The following PIEZO2 variants were observed in gnomAD, a reference collection of about 807,000 sequenced individuals.
PIEZO2 encodes piezo type mechanosensitive ion channel component 2, also known as piezo-type mechanosensitive ion channel component 2.
PIEZO2 carries 172 observed loss-of-function variants against 337.3 expected under a neutral mutation model. The observed-to-expected ratio is 0.51, with a 90% confidence interval of 0.45 to 0.58. The LOEUF is 0.58. Ranked by LOEUF, PIEZO2 falls within the 20% of genes least tolerant of loss-of-function variation. The probability of loss-of-function intolerance (pLI) is 0.00; values close to 1 mark genes in which losing one functional copy is unlikely to be tolerated. For missense variants in PIEZO2, 3,028 were observed against 3,391.3 expected (o/e 0.89, Z 2.66); for synonymous variants, 1,251 against 1,228.5 (o/e 1.02, Z -0.38).
intron 16 of PIEZO2, among the ~76,000 whole-genome samples, chr18:10,785,479 G>A (rs957563398): frequency 1.3e-5 from 2 of 152,158 alleles, no homozygotes; most frequent in African/African-American, 4.8e-5. Context: ...GAAATTGGTT[G>A]TTTCACAGTT....
rs1343391964 is a variant in PIEZO2 at position 10,746,459 on chromosome 18, C to T, written c.4424+2012G>A. ...TGACTAACTCCTCTTCATCCTTCAGCCTGCACTGGGAATGGAAGGCCACCT... is the reference window on the plus strand; with the variant it reads ...TGACTAACTCCTCTTCATCCTTCAGTCTGCACTGGGAATGGAAGGCCACCT... On this transcript the variant is annotated intron_variant, in intron 30 of 55. Coordinates refer to ENST00000674853, the MANE Select transcript of PIEZO2 (RefSeq NM_001378183.1). This position sits in a 1 kb window ranked among gnomAD's most constrained non-coding sequence, Gnocchi z 4.2. 6.6e-6 allele frequency among the ~76,000 whole-genome samples: 1 copy of T among 152,198 alleles called. No homozygotes were observed.
At chr18:10,948,330 A>G (rs979626987) in intron 3 of PIEZO2, among the ~76,000 whole-genome samples, 7 of 152,170 alleles carry the variant, frequency 4.6e-5, no homozygotes, top group Admixed American at 3.3e-4. Flanking sequence ...AAGCTTCTTT[A>G]CGAGATAAAA....
chr18:10,706,925 A>G (rs1456310989), intron 40 of PIEZO2, among the ~76,000 whole-genome samples: 2 of 152,192 alleles, frequency 1.3e-5, no homozygotes, highest in Non-Finnish European at 2.9e-5. Flanking sequence ...GACTGTACCC[A>G]TGTTTCTTGT....
chr18:10,751,915 T>A (rs937793899), intron 28 of PIEZO2, among the ~76,000 whole-genome samples: 1 of 152,158 alleles, frequency 6.6e-6, no homozygotes, highest in African/African-American at 2.4e-5. Flanking sequence ...GTGAGTTGCA[T>A]GTCATGTTAG....
chr18:11,100,619 G>A (rs995824727), intron 1 of PIEZO2, among the ~76,000 whole-genome samples: 7 of 151,398 alleles, frequency 4.6e-5, no homozygotes, highest in African/African-American at 1.2e-4. Flanking sequence ...TTTTTGAGAC[G>A]GAGTCTCACT....
rs780789650 is a variant in PIEZO2, at chr18:10,795,859, AG to A, written c.1528-858del. ...GAGTTGTATTTTAAACAAGAATATT[AG>A]GTTTCTCAAAAATAAATCAAATTTC... On this transcript the variant is annotated intron_variant, in intron 12 of 55. Transcript: ENST00000674853. The surrounding 1 kb of genome is among the most constrained non-coding windows in gnomAD (Gnocchi z 4.4). 7.9e-5 allele frequency among the ~76,000 whole-genome samples: 12 copies of A among 152,192 alleles called. No homozygotes were observed. Among genetic ancestry groups the A allele is most frequent in the Non-Finnish European group, 1.8e-4 (12 of 68,040 alleles).
At chr18:10,882,130 C>T (rs1337289365) in intron 4 of PIEZO2, among the ~76,000 whole-genome samples, 1 of 152,192 alleles carries the variant, frequency 6.6e-6, no homozygotes, top group Non-Finnish European at 1.5e-5. Context: ...AGTATCCACT[C>T]GTCTCTCATC....
At chr18:10,690,271 G>T (rs1411382967) in intron 48 of PIEZO2, among the ~76,000 whole-genome samples, 1 of 152,174 alleles carries the variant, frequency 6.6e-6, no homozygotes, top group Non-Finnish European at 1.5e-5. Context: ...TCAGCCGCAG[G>T]ACTTGCTGGA....
rs140742923 is a variant in PIEZO2 at position 10,792,169 on chromosome 18, G to A, written c.1759-845C>T. ...TCACCATGTTAGCCAGGCTGGTCTC[G>A]AACTCCTGACATCAGGTGATCCGCC... On this transcript the variant is annotated intron_variant, in intron 13 of 55. Coordinates refer to ENST00000674853, the MANE Select transcript of PIEZO2 (RefSeq NM_001378183.1). Among the ~76,000 whole-genome samples, 927 of 152,190 alleles carry A rather than the reference G, an allele frequency of 6.1e-3. 9 individuals carry two copies. Among genetic ancestry groups the A allele is most frequent in the African/African-American group, 0.02 (850 of 41,490 alleles).
chr18:11,020,780 C>T (rs2036281754), intron 2 of PIEZO2, among the ~76,000 whole-genome samples: 1 of 152,200 alleles, frequency 6.6e-6, no homozygotes, highest in Admixed American at 6.5e-5. Context: ...TTGCTGAAAC[C>T]TGAAGCCTGG....
At chr18:10,928,053 G>A (rs264264) in intron 3 of PIEZO2, among the ~76,000 whole-genome samples, 10,582 of 152,092 alleles carry the variant, frequency 0.07, 766 homozygotes, top group African/African-American at 0.18. Flanking sequence ...GTGTGGTGAC[G>A]CCCCACTCAT....
Position 10,762,507 on chromosome 18 carries a change from T to C in PIEZO2, c.3242A>G (p.Tyr1081Cys). The C allele has an allele frequency of 6.5e-7, 1 of 1,537,152 alleles. No individual in the cohort carries two copies. The highest frequency in any genetic ancestry group is 8.7e-7 in the Non-Finnish European group (1 of 1,146,900). Residue 1081 changes from tyrosine to cysteine, a missense_variant, in exon 23 of 56, where the codon TAC becomes TGC. Tyr to Cys is a radical substitution (Grantham distance 194). Around this residue, in one of 5 missense-constraint regions of PIEZO2, gnomAD observed 1,925 missense variants for 2,051.9 expected, o/e 0.94. Coordinates refer to ENST00000674853, the MANE Select transcript of PIEZO2 (RefSeq NM_001378183.1). ...GCACGACAAAGCCATTACCCTCAGGTAGACTAGCAGAGGCGAAGACTTCCG... is the reference window on the plus strand; with the variant it reads ...GCACGACAAAGCCATTACCCTCAGGCAGACTAGCAGAGGCGAAGACTTCCG... ...GLRKSSPLLV[Y>C]LRNNLLMLAI...
At position 10,846,222 on chromosome 18, in the gene PIEZO2, G is replaced by A. The variant is rs1215416872; in HGVS notation, c.917+9131C>T. On this transcript the variant is annotated intron_variant, in intron 7 of 55. Transcript: ENST00000674853. This position sits in a 1 kb window ranked among gnomAD's most constrained non-coding sequence, Gnocchi z 4.1. ...CCTCACAATCATGGCAGAAGGCAAG[G>A]AGGAGCAAGTCACATCTTACACAGA... is the stretch of plus-strand genomic sequence containing the variant. Among the ~76,000 whole-genome samples, 1 of 152,174 alleles carries A rather than the reference G, an allele frequency of 6.6e-6. No individual in the cohort carries two copies. Among genetic ancestry groups the A allele is most frequent in the Non-Finnish European group, 1.5e-5 (1 of 68,040 alleles).
chr18:10,807,212 T>C lies in PIEZO2; in HGVS notation c.980A>G (p.Asn327Ser). 1 of 1,537,286 alleles carries C rather than the reference T, an allele frequency of 6.5e-7. No individual in the cohort carries two copies. Among genetic ancestry groups the C allele is most frequent in the Non-Finnish European group, 8.7e-7 (1 of 1,146,912 alleles). ...GTGGTGGTACCACGACAGGTCCGGGTTCACTATGATCTTCCAAGTACTTGA... is the reference window on the plus strand; with the variant it reads ...GTGGTGGTACCACGACAGGTCCGGGCTCACTATGATCTTCCAAGTACTTGA... ...DCSSTWKIIV[N>S]PDLSWYHHAN... Residue 327 changes from asparagine (N) to serine (S), a missense_variant, in exon 8 of 56, where the codon AAC (asparagine) becomes AGC (serine). Asn to Ser is a conservative substitution (Grantham distance 46, BLOSUM62 1). Coordinates refer to ENST00000674853, the MANE Select transcript of PIEZO2 (RefSeq NM_001378183.1).
intron 52 of PIEZO2, among the ~76,000 whole-genome samples, chr18:10,678,933 C>CTTTT (rs552952913): frequency 1.6e-5 from 2 of 128,544 alleles, no homozygotes; most frequent in Non-Finnish European, 1.7e-5. Context: ...GCTGCAATTT[C>CTTTT]TTTTTTTTTT....
rs1426442076 is a variant in PIEZO2 at position 11,111,065 on chromosome 18, C to T, written c.64+37460G>A. ...CCGGGCAGACAGGGCAGAGGACAGA[C>T]AGGGAGCCTCCCCAAGCACTAGGGA... On this transcript the variant is annotated intron_variant, in intron 1 of 55. Coordinates refer to ENST00000674853, the MANE Select transcript of PIEZO2 (RefSeq NM_001378183.1). This position sits in a 1 kb window ranked among gnomAD's most constrained non-coding sequence, Gnocchi z 6.2. 6.6e-6 allele frequency among the ~76,000 whole-genome samples: 1 copy of T among 152,176 alleles called. No homozygotes were observed. The highest frequency in any genetic ancestry group is 1.5e-5 in the Non-Finnish European group (1 of 68,008).
Position 11,131,468 on chromosome 18 carries a change from C to T in PIEZO2, c.64+17057G>A, listed in dbSNP as rs2040338467. ...AGGGCCTGGTTCACAGATAGTTCTG[C>T]ACGATATGTAGGCACCATGTGAACA... On this transcript the variant is annotated intron_variant, in intron 1 of 55. Coordinates refer to ENST00000674853, the MANE Select transcript of PIEZO2 (RefSeq NM_001378183.1). This position sits in a 1 kb window ranked among gnomAD's most constrained non-coding sequence, Gnocchi z 5.3. Among the ~76,000 whole-genome samples, 1 of 152,158 alleles carries T rather than the reference C, an allele frequency of 6.6e-6. No homozygotes were observed. The highest frequency in any genetic ancestry group is 1.5e-5 in the Non-Finnish European group (1 of 68,028).
At position 10,918,760 on chromosome 18, in the gene PIEZO2, A is replaced by G. The variant is rs183374750; in HGVS notation, c.287-7532T>C. 5.0e-4 allele frequency among the ~76,000 whole-genome samples: 76 copies of G among 152,222 alleles called. 1 individual carries two copies. Among genetic ancestry groups the G allele is most frequent in the African/African-American group, 1.8e-3 (75 of 41,584 alleles). ...TCCTGCTTTAATTACATATTAATAT[A>G]TAATTAACTCAATGTCTATAAATAT... On this transcript the variant is annotated intron_variant, in intron 3 of 55. Coordinates refer to ENST00000674853, the MANE Select transcript of PIEZO2 (RefSeq NM_001378183.1).
chr18:11,073,638 C>G (rs1448049443), intron 1 of PIEZO2, among the ~76,000 whole-genome samples: 1 of 152,166 alleles, frequency 6.6e-6, no homozygotes, highest in Non-Finnish European at 1.5e-5. Flanking sequence ...GCTTCACTTA[C>G]TTTTCATTTG....
Sources: gnomAD v4.1 joint callset for allele counts (sites outside exome capture counted in the v4.1 genomes callset) on GRCh38, gnomAD v4.1.1 for gene constraint, gnomAD v4.1.1 regional missense constraint, Gnocchi (gnomAD v3.1) non-coding constraint, MANE v1.5 for transcripts, NCBI Gene and HGNC (gene_info 2026-07-23, HGNC 2026-07-21) for gene names.